The following LRP1 variants were observed in gnomAD, a reference collection of about 807,000 sequenced individuals.
The protein encoded by LRP1 is prolow-density lipoprotein receptor-related protein 1.
Under a neutral mutation model 541.5 loss-of-function variants are expected in LRP1, and 51 were observed. That is an observed-to-expected ratio of 0.09 (90% confidence interval 0.08 to 0.12). LRP1 has a LOEUF of 0.12. Ranked by LOEUF, LRP1 falls within the 10% of genes least tolerant of loss-of-function variation. The pLI, the probability that LRP1 is intolerant of heterozygous loss-of-function variation, is 1.00. For missense variants in LRP1, 3,878 were observed against 6,376.2 expected, an observed-to-expected ratio of 0.61 and a Z score of 13.34; for synonymous variants, 2,219 against 2,470.8, an observed-to-expected ratio of 0.90 and a Z score of 3.02.
intron 67 of LRP1, 143 bp downstream of exon 67, chr12:57,202,048 C>G (rs2036668685): frequency 8.9e-7 from 1 of 1,118,578 alleles, no homozygotes; most frequent in African/African-American, 1.5e-5. Context: ...TGCTGTGGGG[C>G]TGGGGAAGGA....
Position 57,183,442 on chromosome 12 carries a change from A to G in LRP1, c.5726A>G (p.Asn1909Ser), listed in dbSNP as rs201359830. 3.3e-5 allele frequency: 53 copies of G among 1,614,202 alleles called. No homozygotes were observed. In the Admixed American group the frequency reaches 3.7e-4, roughly 11 times the overall value. The change falls in exon 35 of 89, where the codon AAT (asparagine) becomes AGT (serine). Residue 1909 changes from asparagine to serine, a missense_variant. This residue lies in a region of LRP1 where 394 missense variants were observed against 635.9 expected (regional missense o/e 0.62). Transcript: ENST00000243077. This position sits in a 1 kb window ranked among gnomAD's most constrained non-coding sequence, Gnocchi z 6.1. ...ATCAGGGGAATTCCCCTGGATCCCAATGACAAGTCAGATGCCCTGGTCCCA... is the reference window on the plus strand; with the variant it reads ...ATCAGGGGAATTCCCCTGGATCCCAGTGACAAGTCAGATGCCCTGGTCCCA... ...EGIRGIPLDP[N>S]DKSDALVPVS...
chr12:57,193,768 C>T (rs937936975), intron 47 of LRP1, 83 bp downstream of exon 47: 11 of 1,609,476 alleles, frequency 6.8e-6, no homozygotes, highest in Middle Eastern at 3.6e-4. Context: ...CCCTGGGCCC[C>T]GTGGTGTCTG....
chr12:57,176,990 A>T, intron 24 of LRP1, 51 bp from the exon 25 acceptor site: 1 of 1,519,748 alleles, frequency 6.6e-7, no homozygotes, highest in East Asian at 2.3e-5. Context: ...TCACACATTC[A>T]TGCACAGCTC....
At chr12:57,191,296 A>G in intron 43 of LRP1, 24 bp from the exon 44 acceptor site, 1 of 1,577,504 alleles carries the variant, frequency 6.3e-7, no homozygotes, top group Non-Finnish European at 8.7e-7. Context: ...CGATGCTGTG[A>G]CGGTGATGGT....
chr12:57,207,979 CG>C (rs999660178), intron 76 of LRP1, 58 bp from the exon 77 acceptor site: 3 of 1,571,088 alleles, frequency 1.9e-6, no homozygotes, highest in Non-Finnish European at 2.6e-6. Flanking sequence ...AGAGTGGTGG[CG>C]GGGGGATAAT....
At chr12:57,148,220 G>A (rs1179455854) in intron 6 of LRP1, among the ~76,000 whole-genome samples, 1 of 149,106 alleles carries the variant, frequency 6.7e-6, no homozygotes, top group Non-Finnish European at 1.5e-5. Context: ...GGAAACTCCT[G>A]TAACTAGCAC....
At chr12:57,167,648 C>A in intron 19 of LRP1, 124 bp downstream of exon 19, 2 of 738,262 alleles carry the variant, frequency 2.7e-6, no homozygotes, top group South Asian at 1.7e-5. Context: ...TGAATCCCTG[C>A]TGGGTTGCCT....
In LRP1 at chr12:57,185,872, A is replaced by G; in HGVS notation, c.6805A>G (p.Asn2269Asp). 1.2e-6 allele frequency: 2 copies of G among 1,613,860 alleles called. No individual in the cohort carries two copies. The highest frequency in any genetic ancestry group is 3.3e-5 in the Admixed American group (2 of 60,018). ...DIHFGNIQQI[N>D]DDGSRRITIV... ...CCACTTTGGGAACATCCAACAGATC[A>G]ACGACGATGGCTCCAGGAGGATCAC... Residue 2269 changes from asparagine to aspartate, a missense_variant, in exon 41 of 89, where the codon AAC becomes GAC. Physicochemically the swap from Asn to Asp is conservative, Grantham distance 23. Around this residue, in one of 13 missense-constraint regions of LRP1, gnomAD observed 1,100 missense variants for 1,827.4 expected, o/e 0.60. Coordinates refer to ENST00000243077, the MANE Select transcript of LRP1 (RefSeq NM_002332.3). The surrounding 1 kb of genome is among the most constrained non-coding windows in gnomAD (Gnocchi z 4.9).
chr12:57,177,431 C>T lies in LRP1; in HGVS notation c.4201C>T (p.Leu1401=). ...TGACCCCTCCCCACTCCCCAGGATC[C>T]TGTTTTGGACAGACTGGGATGCCAG... ...AIALDPRDGI[L]FWTDWDASLP... Residue 1401 remains leucine (L), a synonymous_variant, in exon 26 of 89, where the codon CTG becomes TTG. Transcript: ENST00000243077. The surrounding 1 kb of genome is among the most constrained non-coding windows in gnomAD (Gnocchi z 6.8). 6.3e-7 allele frequency: 1 copy of T among 1,591,040 alleles called. No homozygotes were observed. Among genetic ancestry groups the T allele is most frequent in the Non-Finnish European group, 8.6e-7 (1 of 1,168,360 alleles).
chr12:57,159,465 A>G (rs1338457893), intron 11 of LRP1, among the ~76,000 whole-genome samples: 1 of 152,250 alleles, frequency 6.6e-6, no homozygotes, highest in Admixed American at 6.5e-5. Context: ...CAGGATTTTT[A>G]GGCCTAGGAT....
At chr12:57,202,051 G>A in intron 67 of LRP1, 146 bp downstream of exon 67, 1 of 1,069,826 alleles carries the variant, frequency 9.3e-7, no homozygotes, top group South Asian at 1.5e-5. Flanking sequence ...TGTGGGGCTG[G>A]GGAAGGAGGC....
intron 17 of LRP1, chr12:57,166,442 TC>T (rs1275162499): frequency 3.2e-5 from 16 of 502,688 alleles, no homozygotes; most frequent in Non-Finnish European, 5.3e-5. Flanking sequence ...GCACCTCTAG[TC>T]CCAGCTACTT....
At chr12:57,202,985 A>G (rs1394371867) in intron 68 of LRP1, 196 bp from the exon 69 acceptor site, 1 of 580,198 alleles carries the variant, frequency 1.7e-6, no homozygotes, top group African/African-American at 1.9e-5. Flanking sequence ...CCATGGGGTA[A>G]GTGCGAGCCC....
In LRP1 at chr12:57,161,135, T is replaced by C; in HGVS notation, c.2202+20T>C. 6.2e-7 allele frequency: 1 copy of C among 1,606,864 alleles called. No individual in the cohort carries two copies. The highest frequency in any genetic ancestry group is 8.5e-7 in the Non-Finnish European group (1 of 1,177,334). ...CGGAAGGTGGGCAGGCATGTGCCTGTGTGGGGGAATCTGTGTGTGTTGCTA... is the reference window on the plus strand; with the variant it reads ...CGGAAGGTGGGCAGGCATGTGCCTGCGTGGGGGAATCTGTGTGTGTTGCTA... On this transcript the variant is annotated intron_variant, in intron 13 of 88. Transcript: ENST00000243077.
chr12:57,160,569 C>T lies in LRP1; in HGVS notation c.1980-324C>T, dbSNP rs35099167. On this transcript the variant is annotated intron_variant, in intron 12 of 88. Transcript: ENST00000243077. ...GCCCGGTCACTCTCCACCCCATCAC[C>T]CTGCTTTATTTCCCTCCTGGCCTTT... Among the ~76,000 whole-genome samples the T allele has an allele frequency of 8.7e-3, 1,328 of 152,262 alleles. 12 individuals carry two copies. The highest frequency in any genetic ancestry group is 0.03 in the African/African-American group (1,256 of 41,528).
At chr12:57,151,754 G>A (rs891435686) in intron 6 of LRP1, among the ~76,000 whole-genome samples, 2 of 152,178 alleles carry the variant, frequency 1.3e-5, no homozygotes, top group African/African-American at 2.4e-5. Context: ...TGGAGTGGTG[G>A]CCAAGTGTAT....
In LRP1 at chr12:57,204,543, C is replaced by T. The variant is rs779166166; in HGVS notation, c.11071+14C>T. ...CCGAGGAGTGTGGTGAGATTTGGGG[C>T]GGGGCTCCCAGGCTTCCCAGTGGCC... On this transcript the variant is annotated intron_variant, in intron 71 of 88. Coordinates refer to ENST00000243077, the MANE Select transcript of LRP1 (RefSeq NM_002332.3). The surrounding 1 kb of genome is among the most constrained non-coding windows in gnomAD (Gnocchi z 5.3). The T allele has an allele frequency of 6.9e-6, 11 of 1,605,494 alleles. No individual in the cohort carries two copies. Among genetic ancestry groups the T allele is most frequent in the Admixed American group, 1.7e-5 (1 of 59,654 alleles).
chr12:57,187,210 CTG>C, intron 41 of LRP1, 55 bp from the exon 42 acceptor site: 1 of 1,553,380 alleles, frequency 6.4e-7, no homozygotes, highest in South Asian at 1.2e-5. Context: ...CCCACGGCTC[CTG>C]TGCAGGCTGC....
Position 57,199,876 on chromosome 12 carries a change from G to A in LRP1, c.9866-1G>A. On this transcript the variant is annotated splice_acceptor_variant, in intron 61 of 88. Transcript: ENST00000243077. LOFTEE classifies it high-confidence loss of function. ...ATATTTCACGACGTTTTCTCTGGCA[G>A]TGCCCAATCACCCCTGCAAGGTCAA... is the stretch of plus-strand genomic sequence containing the variant. The A allele has an allele frequency of 6.3e-7, 1 of 1,582,784 alleles. No homozygotes were observed. Among genetic ancestry groups the A allele is most frequent in the Non-Finnish European group, 8.6e-7 (1 of 1,167,968 alleles).
Sources: gnomAD v4.1 joint callset for allele counts (sites outside exome capture counted in the v4.1 genomes callset) on GRCh38, gnomAD v4.1.1 for gene constraint, gnomAD v4.1.1 regional missense constraint, Gnocchi (gnomAD v3.1) non-coding constraint, MANE v1.5 for transcripts, NCBI Gene and HGNC (gene_info 2026-07-23, HGNC 2026-07-21) for gene names.